RIC8B: variants seen among roughly 807,000 people sequenced by gnomAD.
The protein encoded by RIC8B is RIC8 guanine nucleotide exchange factor B.
A neutral mutation model predicts 57.5 loss-of-function variants in RIC8B; 16 were observed. The observed-to-expected ratio is 0.28, with a 90% CI of 0.19 to 0.42. RIC8B has a LOEUF of 0.42. RIC8B is among the 10% of genes least tolerant of loss of function. The pLI is 1.00. For missense variants in RIC8B, 481 were observed against 677.0 expected, an observed-to-expected ratio of 0.71 and a Z score of 3.21; for synonymous variants, 216 against 250.8, an observed-to-expected ratio of 0.86 and a Z score of 1.31.
At chr12:106,805,073 A>T (rs986004822) in intron 2 of RIC8B, among the ~76,000 whole-genome samples, 1 of 152,208 alleles carries the variant, frequency 6.6e-6, no homozygotes, top group African/African-American at 2.4e-5. Flanking sequence ...AAGGTGAGTT[A>T]TGGGGGATCG....
Position 106,815,178 on chromosome 12 carries a change from C to A in RIC8B, c.615C>A (p.Thr205=), listed in dbSNP as rs778689635. Reference sequence around the variant, plus strand: ...AAAGTGCCTTTAGCATCAAGTGGACCGATGAGTATGAATCGGCCATAGACC... The same window carrying A: ...AAAGTGCCTTTAGCATCAAGTGGACAGATGAGTATGAATCGGCCATAGACC... ...ILESAFSIKW[T]DEYESAIDHN... is the part of the protein sequence containing the mutation. Residue 205 remains threonine, a synonymous_variant, in exon 3 of 10, where the codon ACC becomes ACA. Transcript: ENST00000392837. The A allele has an allele frequency of 6.2e-7, 1 of 1,614,060 alleles. No homozygotes were observed. Among genetic ancestry groups the A allele is most frequent in the African/African-American group, 1.3e-5 (1 of 74,916 alleles).
chr12:106,810,342 A>G lies in RIC8B; in HGVS notation c.133-4354A>G, dbSNP rs1023547406. ...AAGTCACACAGTGGCAAACCCAGGT[A>G]TTAAACTCCGGTCTTTGATTTAAAA... On this transcript the variant is annotated intron_variant, in intron 2 of 9. Transcript: ENST00000392837. Among the ~76,000 whole-genome samples the G allele has an allele frequency of 4.0e-5, 6 of 151,782 alleles. No individual in the cohort carries two copies. In the East Asian group the frequency reaches 7.7e-4, roughly 19 times the overall value.
chr12:106,874,573 T>G, intron 9 of RIC8B: 10 of 1,548,222 alleles, frequency 6.5e-6, no homozygotes, highest in Non-Finnish European at 8.7e-6. Flanking sequence ...CTAAGGTTGG[T>G]CATGCCAAGT....
At chr12:106,829,736 T>C (rs1163762244) in intron 4 of RIC8B, among the ~76,000 whole-genome samples, 1 of 152,202 alleles carries the variant, frequency 6.6e-6, no homozygotes, top group Admixed American at 6.5e-5. Flanking sequence ...CGTAACTCTT[T>C]TCATTTATTC....
chr12:106,815,273 T>C lies in RIC8B; in HGVS notation c.710T>C (p.Val237Ala), dbSNP rs35083251. ...GAGGCCCTCAAAGCTCTCTTCAATG[T>C]GACGGTAGACAGTTGGAAGGTGCAT... ...AIEALKALFNVTVDSWKVHKE... is the reference protein window; with the variant it reads ...AIEALKALFNATVDSWKVHKE... Residue 237 changes from valine (V) to alanine (A), a missense_variant, in exon 3 of 10, where the codon GTG becomes GCG. This residue lies in a region of RIC8B where 421 missense variants were observed against 560.9 expected (regional missense o/e 0.75). Coordinates refer to ENST00000392837, the MANE Select transcript of RIC8B (RefSeq NM_001330145.2). 1.2e-4 allele frequency: 198 copies of C among 1,613,680 alleles called. No individual in the cohort carries two copies. Among genetic ancestry groups the C allele is most frequent in the Admixed American group, 2.3e-4 (14 of 59,962 alleles).
At chr12:106,874,823 ATTTT>A (rs113492589) in intron 9 of RIC8B, among the ~76,000 whole-genome samples, 14 of 146,734 alleles carry the variant, frequency 9.5e-5, no homozygotes, top group Non-Finnish European at 2.1e-4. Context: ...ATTCCAAGTG[ATTTT>A]TTTTTTTTAG....
chr12:106,868,647 C>T (rs536730587), intron 8 of RIC8B, among the ~76,000 whole-genome samples: 2 of 151,878 alleles, frequency 1.3e-5, no homozygotes, highest in Non-Finnish European at 2.9e-5. Context: ...TTAGGAAATA[C>T]GATGACCCAT....
chr12:106,878,771 A>C (rs1374901136), intron 9 of RIC8B, among the ~76,000 whole-genome samples: 1 of 152,110 alleles, frequency 6.6e-6, no homozygotes, highest in Non-Finnish European at 1.5e-5. Context: ...AGCCGCCCTC[A>C]TTAAAAACAG....
At chr12:106,842,840 C>T in intron 5 of RIC8B, 23 bp downstream of exon 5, 1 of 1,436,088 alleles carries the variant, frequency 7.0e-7, no homozygotes, top group South Asian at 1.2e-5. Flanking sequence ...AAATGGAAGC[C>T]CTGGGAAGAT....
intron 3 of RIC8B, among the ~76,000 whole-genome samples, chr12:106,820,459 A>G (rs1045341103): frequency 2.6e-5 from 4 of 152,202 alleles, no homozygotes; most frequent in African/African-American, 9.7e-5. Context: ...TAGAAAAGTT[A>G]ATTGAAATGG....
Position 106,815,032 on chromosome 12 carries a change from A to G in RIC8B, c.469A>G (p.Ile157Val), listed in dbSNP as rs529692078. 5.0e-5 allele frequency: 81 copies of G among 1,614,234 alleles called. 1 individual carries two copies. The South Asian group carries it at 6.9e-4, about 14-fold the overall frequency. The change falls in exon 3 of 10, where the codon ATC (isoleucine) becomes GTC (valine). Residue 157 changes from isoleucine (I) to valine (V), a missense_variant. Physicochemically the swap from Ile to Val is conservative, Grantham distance 29. Transcript: ENST00000392837. ...GAGAAAGTGCAAGGACCGGAAATTT[A>G]TCAATGACATTAAGTGCTTTGACTT... Reference protein sequence around the residue: ...LLRKCKDRKFINDIKCFDLRL... With the variant: ...LLRKCKDRKFVNDIKCFDLRL...
Position 106,796,964 on chromosome 12 carries a change from A to G in RIC8B, c.132+12920A>G, listed in dbSNP as rs564323130. On this transcript the variant is annotated intron_variant, in intron 2 of 9. Transcript: ENST00000392837. ...CAGAGAAATGCAAATCAAAACCACC[A>G]TAAAATATCAATTCATACCCACTAG... Among the ~76,000 whole-genome samples the G allele has an allele frequency of 1.4e-4, 22 of 152,360 alleles. No homozygotes were observed. In the East Asian group the frequency reaches 4.2e-3, roughly 29 times the overall value.
intron 9 of RIC8B, among the ~76,000 whole-genome samples, chr12:106,874,807 A>C (rs1246144735): frequency 1.3e-5 from 2 of 152,260 alleles, no homozygotes; most frequent in Admixed American, 6.5e-5. Context: ...CAGCTGACTT[A>C]AGAGTATTCC....
intron 3 of RIC8B, among the ~76,000 whole-genome samples, chr12:106,822,074 T>A (rs2045869216): frequency 3.9e-5 from 2 of 51,378 alleles, no homozygotes; most frequent in Non-Finnish European, 6.5e-5. Context: ...CGAGACTCCA[T>A]CTCAAAAAAA....
rs917861375 is a variant in RIC8B, at chr12:106,886,780, C to T, written c.*765C>T. The T allele has an allele frequency of 3.9e-5, 6 of 152,570 alleles. No homozygotes were observed. The highest frequency in any genetic ancestry group is 9.6e-5 in the African/African-American group (4 of 41,516). 9.5% of individuals were successfully genotyped at this position (152,570 alleles called of 1,614,324 possible). On this transcript the variant is annotated 3_prime_UTR_variant, in exon 10 of 10. Coordinates refer to ENST00000392837, the MANE Select transcript of RIC8B (RefSeq NM_001330145.2). The stretch of plus-strand genomic sequence containing the variant: ...GGAGTGTGCATTCTGAGGTCTAACC[C>T]GGGGTGCCAGGAACACACACATCCT...
At chr12:106,809,599 T>G (rs1340957112) in intron 2 of RIC8B, among the ~76,000 whole-genome samples, 1 of 150,718 alleles carries the variant, frequency 6.6e-6, no homozygotes, top group Non-Finnish European at 1.5e-5. Context: ...AACATAAAAG[T>G]TTTTTGTAAA....
chr12:106,840,474 A>G (rs574670681), intron 4 of RIC8B, among the ~76,000 whole-genome samples: 1 of 152,254 alleles, frequency 6.6e-6, no homozygotes, highest in South Asian at 2.1e-4. Flanking sequence ...AGATCTGTGC[A>G]TAGTCACTGA....
chr12:106,873,673 C>G (rs1387196788), intron 9 of RIC8B, among the ~76,000 whole-genome samples: 1 of 152,150 alleles, frequency 6.6e-6, no homozygotes, highest in Non-Finnish European at 1.5e-5. Flanking sequence ...TTGGAAAACT[C>G]ACATTCTAGT....
chr12:106,778,255 C>G (rs1398167744), intron 1 of RIC8B, among the ~76,000 whole-genome samples: 3 of 152,148 alleles, frequency 2.0e-5, no homozygotes, highest in Admixed American at 6.6e-5. Flanking sequence ...CTGTCGGGCT[C>G]CGGGAAACAT....
Sources: allele counts gnomAD v4.1 joint callset (sites outside exome capture counted in the v4.1 genomes callset), GRCh38; gene constraint gnomAD v4.1.1; regional missense constraint gnomAD v4.1.1; transcripts MANE v1.5; gene names NCBI Gene and HGNC (gene_info 2026-07-23, HGNC 2026-07-21).